Variants in TCF7L2 observed in about 807,000 individuals in gnomAD.
The protein encoded by TCF7L2 is transcription factor 7-like 2.
In TCF7L2, 23 loss-of-function variants were observed where a neutral mutation model predicts 77.9. The ratio of observed to expected loss-of-function variants is 0.30; its 90% CI spans 0.21 to 0.42. TCF7L2 has a LOEUF of 0.42. Among genes scored for constraint, TCF7L2 ranks in the 10% least tolerant of loss-of-function variants. TCF7L2 has a pLI of 1.00. For synonymous variants in TCF7L2, 413 were observed against 340.2 expected (o/e 1.21, Z -2.36); for missense variants, 654 against 793.1 (o/e 0.82, Z 2.11).
At position 112,961,261 on chromosome 10, in the gene TCF7L2, C is replaced by G. The variant is rs1258001133; in HGVS notation, c.382-3295C>G. ...AACTCCCGACCTCAGGTGACCCCCC[C>G]CCCCCCAACCTCGGCCTTCCAAAGC... is the stretch of plus-strand genomic sequence containing the variant. On this transcript the variant is annotated intron_variant, in intron 3 of 13. Transcript: ENST00000627217. 1.4e-4 allele frequency among the ~76,000 whole-genome samples: 18 copies of G among 125,038 alleles called. 2 individuals are homozygous for G. In the East Asian group the frequency reaches 1.6e-3, roughly 11 times the overall value. The allele number at this position is 125,038 out of a possible 152,430, so 82.0% of individuals were successfully genotyped here.
rs2757884 is a variant in TCF7L2 at position 113,151,761 on chromosome 10, G to A, written c.1038G>A (p.Lys346=). ...ACTCCAAAAAGGAAGAAGAAAAGAAGAAGCCCCACATAAAGAAACCTCTTA... is the reference window on the plus strand; with the variant it reads ...ACTCCAAAAAGGAAGAAGAAAAGAAAAAGCCCCACATAAAGAAACCTCTTA... Residue 346 remains lysine (K), a synonymous_variant, in exon 10 of 14, where the codon AAG becomes AAA. Coordinates refer to ENST00000627217, the MANE Select transcript of TCF7L2 (RefSeq NM_001146274.2). The surrounding 1 kb of genome is among the most constrained non-coding windows in gnomAD (Gnocchi z 5.2). The A allele has an allele frequency of 1.2e-6, 2 of 1,608,232 alleles. No individual in the cohort carries two copies. The highest frequency in any genetic ancestry group is 1.7e-5 in the Admixed American group (1 of 58,236).
intron 4 of TCF7L2, among the ~76,000 whole-genome samples, chr10:112,988,946 G>C (rs1260876793): frequency 6.6e-6 from 1 of 152,132 alleles, no homozygotes; most frequent in East Asian, 1.9e-4. Context: ...AAAGAAGGTA[G>C]GGGACTTGCC....
chr10:113,090,685 A>G (rs753443161), intron 5 of TCF7L2, among the ~76,000 whole-genome samples: 1 of 152,136 alleles, frequency 6.6e-6, no homozygotes, highest in African/African-American at 2.4e-5. Context: ...ATCTCAGCTC[A>G]CTGCAACTTC....
At chr10:113,018,870 C>T (rs990839474) in intron 4 of TCF7L2, among the ~76,000 whole-genome samples, 11 of 152,232 alleles carry the variant, frequency 7.2e-5, no homozygotes, top group African/African-American at 2.4e-4. Context: ...GGTCACCTAG[C>T]ACCGGCCAGC....
At chr10:113,007,429 G>C (rs1389210391) in intron 4 of TCF7L2, among the ~76,000 whole-genome samples, 1 of 152,224 alleles carries the variant, frequency 6.6e-6, no homozygotes, top group Non-Finnish European at 1.5e-5. Flanking sequence ...GGTAGGCTAA[G>C]AGCTTGGGAC....
chr10:113,162,698 CAG>C (rs997572295), intron 13 of TCF7L2, among the ~76,000 whole-genome samples: 2 of 152,216 alleles, frequency 1.3e-5, no homozygotes, highest in African/African-American at 4.8e-5. Flanking sequence ...CAGCAGTGTT[CAG>C]ACTTTCCCAG....
chr10:113,134,896 C>T (rs1302128572), intron 5 of TCF7L2, among the ~76,000 whole-genome samples: 1 of 152,174 alleles, frequency 6.6e-6, no homozygotes, highest in Non-Finnish European at 1.5e-5. Flanking sequence ...TGCAGAGCTC[C>T]TAAAGGCACT....
At chr10:113,097,110 AG>A (rs2061070930) in intron 5 of TCF7L2, among the ~76,000 whole-genome samples, 1 of 151,932 alleles carries the variant, frequency 6.6e-6, no homozygotes, top group Admixed American at 6.6e-5. Flanking sequence ...GCAGGTTGGG[AG>A]GGGTCCTGCA....
intron 5 of TCF7L2, among the ~76,000 whole-genome samples, chr10:113,140,708 G>A (rs1360622575): frequency 6.6e-6 from 1 of 152,188 alleles, no homozygotes; most frequent in Non-Finnish European, 1.5e-5. Flanking sequence ...GGGTGGCTAA[G>A]GAGGCTGGCT....
At chr10:112,962,106 C>T (rs1226627309) in intron 3 of TCF7L2, among the ~76,000 whole-genome samples, 1 of 152,078 alleles carries the variant, frequency 6.6e-6, no homozygotes, top group East Asian at 1.9e-4. Context: ...TTTGGATTAA[C>T]CACAGTTTGA....
chr10:113,101,473 T>G (rs576401371), intron 5 of TCF7L2, among the ~76,000 whole-genome samples: 1 of 149,364 alleles, frequency 6.7e-6, no homozygotes, highest in Non-Finnish European at 1.5e-5. Flanking sequence ...AGTCTAGGAG[T>G]TCGAGGCTGC....
intron 4 of TCF7L2, among the ~76,000 whole-genome samples, chr10:113,017,306 G>A (rs2047505403): frequency 6.6e-6 from 1 of 152,224 alleles, no homozygotes; most frequent in African/African-American, 2.4e-5. Context: ...AGGAGTGACT[G>A]CTCTGATGCA....
intron 4 of TCF7L2, among the ~76,000 whole-genome samples, chr10:113,034,727 C>G (rs952533590): frequency 6.6e-6 from 1 of 152,018 alleles, no homozygotes; most frequent in African/African-American, 2.4e-5. Flanking sequence ...AAAACCCGAT[C>G]TCTACTAAAA....
At position 113,165,484 on chromosome 10, in the gene TCF7L2, G is replaced by C. The variant is rs2073977888; in HGVS notation, c.1392-71G>C. The C allele has an allele frequency of 4.6e-6, 7 of 1,533,686 alleles. No individual in the cohort carries two copies. The South Asian group carries it at 8.3e-5, about 18-fold the overall frequency. ...CCTTAGGTGACCTCAGCTTGGGTGT[G>C]AGCATTAGGTAACTCTCTCCCTTGG... On this transcript the variant is annotated intron_variant, in intron 13 of 13. Coordinates refer to ENST00000627217, the MANE Select transcript of TCF7L2 (RefSeq NM_001146274.2).
intron 11 of TCF7L2, among the ~76,000 whole-genome samples, chr10:113,155,436 C>G (rs1448011648): frequency 6.6e-6 from 1 of 152,164 alleles, no homozygotes; most frequent in Non-Finnish European, 1.5e-5. Flanking sequence ...GATGCATCTT[C>G]CTCTTCACTA....
chr10:113,148,479 A>T (rs1050112744), intron 8 of TCF7L2, among the ~76,000 whole-genome samples: 1 of 152,226 alleles, frequency 6.6e-6, no homozygotes, highest in African/African-American at 2.4e-5. Context: ...TGCACAGGAA[A>T]ATGCATCCTA....
At chr10:113,098,932 G>A (rs150220369) in intron 5 of TCF7L2, among the ~76,000 whole-genome samples, 94 of 152,196 alleles carry the variant, frequency 6.2e-4, no homozygotes, top group African/African-American at 2.0e-3. Flanking sequence ...AGATAGTGCC[G>A]ACTTGATTCA....
chr10:112,999,226 G>A (rs753136066), intron 4 of TCF7L2, among the ~76,000 whole-genome samples: 5 of 152,222 alleles, frequency 3.3e-5, no homozygotes, highest in Non-Finnish European at 7.3e-5. Context: ...GTCCAGGCCT[G>A]TGTAATAGAC....
intron 5 of TCF7L2, among the ~76,000 whole-genome samples, chr10:113,048,908 TG>T (rs2053913675): frequency 6.6e-6 from 1 of 152,226 alleles, no homozygotes; most frequent in African/African-American, 2.4e-5. Context: ...TGAAGTCATT[TG>T]ATGATTGTTT....
Sources: allele counts gnomAD v4.1 joint callset (sites outside exome capture counted in the v4.1 genomes callset), GRCh38; gene constraint gnomAD v4.1.1; non-coding constraint Gnocchi (gnomAD v3.1); transcripts MANE v1.5; gene names NCBI Gene and HGNC (gene_info 2026-07-23, HGNC 2026-07-21).